The following DESI1 variants were observed in gnomAD, a reference collection of about 807,000 sequenced individuals.
DESI1 encodes desumoylating isopeptidase 1.
A neutral mutation model predicts 22.4 loss-of-function variants in DESI1; 17 were observed. The ratio of observed to expected loss-of-function variants is 0.76; its 90% CI spans 0.52 to 1.14. DESI1 has a LOEUF of 1.14. Among genes scored for constraint, DESI1 ranks in the 50% most tolerant of loss-of-function variants. The pLI, the probability that DESI1 is intolerant of heterozygous loss-of-function variation, is 0.00. For synonymous variants in DESI1, 92 were observed against 84.2 expected, an observed-to-expected ratio of 1.09 and a Z score of -0.51; for missense variants, 177 against 208.9, an observed-to-expected ratio of 0.85 and a Z score of 0.94.
At chr22:41,610,702 G>A (rs1199439168) in intron 1 of DESI1, among the ~76,000 whole-genome samples, 16 of 151,510 alleles carry the variant, frequency 1.1e-4, no homozygotes, top group African/African-American at 2.7e-4. Flanking sequence ...ATGAAACCCC[G>A]TCTCTACTAA....
At chr22:41,602,704 G>A in intron 5 of DESI1, 1 of 988,540 alleles carries the variant, frequency 1.0e-6, no homozygotes, top group Non-Finnish European at 1.2e-6. Flanking sequence ...TGGCCTGCAA[G>A]GCTCTTCCAA....
rs766740465 is a variant in DESI1 at position 41,604,030 on chromosome 22, C to T, written c.290+14G>A. On this transcript the variant is annotated intron_variant, in intron 4 of 5. Coordinates refer to ENST00000263256, the MANE Select transcript of DESI1 (RefSeq NM_015704.3). ...AGACAGACACAACTAACCACCACCC[C>T]TGTCTCCACTCACCGGAACAGGGAC... 3.7e-6 allele frequency: 6 copies of T among 1,609,900 alleles called. No homozygotes were observed. The Admixed American group carries it at 1.0e-4, about 27-fold the overall frequency.
chr22:41,612,232 G>A (rs1262349411), intron 1 of DESI1, among the ~76,000 whole-genome samples: 2 of 151,988 alleles, frequency 1.3e-5, no homozygotes, highest in East Asian at 3.9e-4. Context: ...AGGGGGTCTG[G>A]GCGTAGTGGC....
Position 41,601,065 on chromosome 22 carries a change from C to T in DESI1, c.*32G>A, listed in dbSNP as rs1161482098. On this transcript the variant is annotated 3_prime_UTR_variant, in exon 6 of 6. Transcript: ENST00000263256. ...TTGTTTTGTTTAAAAAGGAAAAGCCCTGGTGAGGCAGGGCGGTCCCAGGCA... is the reference window on the plus strand; with the variant it reads ...TTGTTTTGTTTAAAAAGGAAAAGCCTTGGTGAGGCAGGGCGGTCCCAGGCA... 1 of 1,587,696 alleles carries T rather than the reference C, an allele frequency of 6.3e-7. No homozygotes were observed. The highest frequency in any genetic ancestry group is 1.3e-5 in the African/African-American group (1 of 74,318).
Position 41,601,197 on chromosome 22 carries a change from G to A in DESI1, c.414-7C>T. ...AAGTGCCTGTCCAAAGGGCCTGCAA[G>A]GAAACAGAGACATGAGAGGGGTGGG... On this transcript the variant is annotated splice_region_variant and splice_polypyrimidine_tract_variant and intron_variant, in intron 5 of 5. Coordinates refer to ENST00000263256, the MANE Select transcript of DESI1 (RefSeq NM_015704.3). 5.0e-6 allele frequency: 8 copies of A among 1,604,116 alleles called. No individual in the cohort carries two copies. Among genetic ancestry groups the A allele is most frequent in the Non-Finnish European group, 6.8e-6 (8 of 1,175,480 alleles).
At chr22:41,611,678 C>T (rs927877416) in intron 1 of DESI1, among the ~76,000 whole-genome samples, 2 of 151,166 alleles carry the variant, frequency 1.3e-5, no homozygotes, top group African/African-American at 2.4e-5. Flanking sequence ...CTGTAACCTC[C>T]GCCTCCCAGG....
chr22:41,603,243 CAG>C lies in DESI1; in HGVS notation c.413+14_413+15del, dbSNP rs747395592. On this transcript the variant is annotated intron_variant, in intron 5 of 5. Coordinates refer to ENST00000263256, the MANE Select transcript of DESI1 (RefSeq NM_015704.3). ...AGGTTGGCCAAGGCAGGGGCAGGGA[CAG>C]AGGCCACACTTACGTGGAGAGAACT... The C allele has an allele frequency of 1.2e-6, 2 of 1,614,046 alleles. No individual in the cohort carries two copies. Among genetic ancestry groups the C allele is most frequent in the East Asian group, 4.5e-5 (2 of 44,878 alleles).
At position 41,599,886 on chromosome 22, in the gene DESI1, G is replaced by A. The variant is rs1381861920; in HGVS notation, c.*1211C>T. The A allele has an allele frequency of 6.9e-6, 1 of 145,396 alleles. No homozygotes were observed. The highest frequency in any genetic ancestry group is 2.5e-5 in the African/African-American group (1 of 40,332). 9.0% of individuals were successfully genotyped at this position (145,396 alleles called of 1,614,324 possible). On this transcript the variant is annotated 3_prime_UTR_variant, in exon 6 of 6. Coordinates refer to ENST00000263256, the MANE Select transcript of DESI1 (RefSeq NM_015704.3). Reference sequence around the variant, plus strand: ...ACATCATTATTCTTTCCATATCAAAGGTATTTTCTGGCCAGGCAGCGGTGG... The same window carrying A: ...ACATCATTATTCTTTCCATATCAAAAGTATTTTCTGGCCAGGCAGCGGTGG...
chr22:41,603,915 A>G, intron 4 of DESI1, 129 bp downstream of exon 4: 1 of 745,348 alleles, frequency 1.3e-6, no homozygotes, highest in Non-Finnish European at 2.1e-6. Context: ...CTTCATGTTA[A>G]TTCAGCAAAA....
chr22:41,605,205 T>C (rs1327566575), intron 3 of DESI1, among the ~76,000 whole-genome samples: 1 of 152,224 alleles, frequency 6.6e-6, no homozygotes, highest in Non-Finnish European at 1.5e-5. Context: ...TCTGGCAGGC[T>C]GGCAGATATT....
In DESI1 at chr22:41,601,068, G is replaced by T. The variant is rs191281123; in HGVS notation, c.*29C>A. The stretch of plus-strand genomic sequence containing the variant: ...TTTTGTTTAAAAAGGAAAAGCCCTG[G>T]TGAGGCAGGGCGGTCCCAGGCAGTC... On this transcript the variant is annotated 3_prime_UTR_variant, in exon 6 of 6. Coordinates refer to ENST00000263256, the MANE Select transcript of DESI1 (RefSeq NM_015704.3). 6.3e-7 allele frequency: 1 copy of T among 1,582,520 alleles called. No homozygotes were observed. Among genetic ancestry groups the T allele is most frequent in the African/African-American group, 1.3e-5 (1 of 74,394 alleles).
intron 5 of DESI1, chr22:41,602,656 G>C (rs117430146): frequency 0.015 from 14,626 of 987,214 alleles, 126 homozygotes; most frequent in Non-Finnish European, 0.016. Context: ...GATGGCTTTG[G>C]GGGTGTTGTG....
At chr22:41,610,861 G>A (rs1232026676) in intron 1 of DESI1, among the ~76,000 whole-genome samples, 15 of 127,124 alleles carry the variant, frequency 1.2e-4, no homozygotes, top group Non-Finnish European at 2.2e-4. Context: ...TGAAAAGAGC[G>A]AAACTCTGTC....
At chr22:41,614,605 G>A in intron 1 of DESI1, among the ~76,000 whole-genome samples, 1 of 7,950 alleles carries the variant, frequency 1.3e-4, no homozygotes, top group African/African-American at 2.6e-3. Flanking sequence ...TTTTTTTTGA[G>A]ATGGAGTCTC....
At chr22:41,607,449 A>G in intron 2 of DESI1, 118 bp from the exon 3 acceptor site, 1 of 966,024 alleles carries the variant, frequency 1.0e-6, no homozygotes, top group East Asian at 2.7e-5. Context: ...GACCAGTCTT[A>G]TAAAACCAAC....
Position 41,604,525 on chromosome 22 carries a change from G to C in DESI1, c.181-372C>G, listed in dbSNP as rs1601509259. On this transcript the variant is annotated intron_variant, in intron 3 of 5. Transcript: ENST00000263256. ...GCCTTCCAAAGTGCTGAGATCACAG[G>C]TGTGAGCTACTGCGCCCAGCCTGAC... 2.0e-5 allele frequency among the ~76,000 whole-genome samples: 3 copies of C among 152,190 alleles called. No homozygotes were observed. The East Asian group carries it at 5.8e-4, about 29-fold the overall frequency.
At chr22:41,610,733 C>T (rs984149955) in intron 1 of DESI1, among the ~76,000 whole-genome samples, 8 of 152,002 alleles carry the variant, frequency 5.3e-5, no homozygotes, top group African/African-American at 1.4e-4. Flanking sequence ...ATTAGCTGGG[C>T]GTGGTGGCAG....
chr22:41,620,921 G>T lies in DESI1; in HGVS notation c.-82C>A. ...ACCTTCCCGTACCCGACGGGAGTGC[G>T]AAGCGGAGGGAGAGGGGGGGACCGA... On this transcript the variant is annotated 5_prime_UTR_variant, in exon 1 of 6. Coordinates refer to ENST00000263256, the MANE Select transcript of DESI1 (RefSeq NM_015704.3). 1 of 1,480,536 alleles carries T rather than the reference G, an allele frequency of 6.8e-7. No homozygotes were observed. The highest frequency in any genetic ancestry group is 9.2e-7 in the Non-Finnish European group (1 of 1,087,816). The allele number at this position is 1,480,536 out of a possible 1,614,324, so 91.7% of individuals were successfully genotyped here.
At chr22:41,608,467 A>G (rs187688188) in intron 1 of DESI1, among the ~76,000 whole-genome samples, 3 of 152,340 alleles carry the variant, frequency 2.0e-5, no homozygotes, top group Non-Finnish European at 4.4e-5. Context: ...GGTACTAAAT[A>G]TAATAAACTA....
Sources: gnomAD v4.1 joint callset for allele counts (sites outside exome capture counted in the v4.1 genomes callset) on GRCh38, gnomAD v4.1.1 for gene constraint, MANE v1.5 for transcripts, NCBI Gene and HGNC (gene_info 2026-07-23, HGNC 2026-07-21) for gene names.